The following CACHD1 variants were observed in gnomAD, a reference collection of about 807,000 sequenced individuals.
CACHD1 encodes the protein cache domain containing 1.
CACHD1 carries 71 observed loss-of-function variants against 138.7 expected under a neutral mutation model. That is an observed-to-expected ratio of 0.51 (90% CI 0.42 to 0.62). The LOEUF (loss-of-function observed/expected upper bound fraction) is 0.62, where lower values mean the gene tolerates loss of function less well. Ranked by LOEUF, CACHD1 falls within the 20% of genes least tolerant of loss-of-function variation. CACHD1 has a pLI of 0.00. For synonymous variants in CACHD1, 578 were observed against 591.5 expected (o/e 0.98, Z 0.33); for missense variants, 1,389 against 1,625.3 (o/e 0.85, Z 2.50).
At chr1:64,640,961 C>T (rs779550386) in intron 7 of CACHD1, among the ~76,000 whole-genome samples, 5 of 151,970 alleles carry the variant, frequency 3.3e-5, no homozygotes, top group Non-Finnish European at 5.9e-5. Context: ...TATTCTACCT[C>T]GCAGCCCTAT....
intron 22 of CACHD1, 116 bp from the exon 23 acceptor site, chr1:64,678,043 A>T: frequency 9.5e-7 from 1 of 1,057,860 alleles, no homozygotes. Context: ...AAAGCTCAAG[A>T]AATTCACAGC....
chr1:64,471,642 G>T (rs1374413076), intron 1 of CACHD1, among the ~76,000 whole-genome samples: 1 of 152,184 alleles, frequency 6.6e-6, no homozygotes, highest in Non-Finnish European at 1.5e-5. Context: ...GTTGCTTTCC[G>T]CATATCCTGC....
At chr1:64,664,275 C>T in intron 14 of CACHD1, 1 of 568,122 alleles carries the variant, frequency 1.8e-6, no homozygotes, top group Non-Finnish European at 3.1e-6. Context: ...ACTCAGAAAG[C>T]CTAGGTAGGG....
intron 1 of CACHD1, among the ~76,000 whole-genome samples, chr1:64,500,717 T>TAAAAAAAAAAAAAAAAAAA (rs72436564): frequency 3.5e-4 from 12 of 33,940 alleles, no homozygotes; most frequent in African/African-American, 6.3e-4. Flanking sequence ...CCTTGTCTCT[T>TAAAAAAAAAAAAAAAAAAA]AAAAAAAAAA....
intron 1 of CACHD1, among the ~76,000 whole-genome samples, chr1:64,520,615 T>A (rs1394654523): frequency 6.6e-6 from 1 of 152,268 alleles, no homozygotes; most frequent in African/African-American, 2.4e-5. Flanking sequence ...ACATTGCCTT[T>A]GGAACCCCAC....
intron 1 of CACHD1, among the ~76,000 whole-genome samples, chr1:64,493,310 A>G (rs1646288881): frequency 6.6e-6 from 1 of 152,222 alleles, no homozygotes; most frequent in African/African-American, 2.4e-5. Flanking sequence ...GGTGATCATG[A>G]AGAAATAATG....
At chr1:64,475,146 AAAC>A (rs1310808643) in intron 1 of CACHD1, among the ~76,000 whole-genome samples, 16 of 151,910 alleles carry the variant, frequency 1.1e-4, no homozygotes, top group African/African-American at 3.4e-4. Flanking sequence ...GTATGCAGTA[AAAC>A]AACAATGCAC....
chr1:64,640,298 A>G (rs1557533590), intron 7 of CACHD1, among the ~76,000 whole-genome samples: 1 of 152,236 alleles, frequency 6.6e-6, no homozygotes, highest in Admixed American at 6.5e-5. Flanking sequence ...CTAAAACACA[A>G]TAACAGAAAC....
chr1:64,678,249 A>G lies in CACHD1; in HGVS notation c.3183A>G (p.Lys1061=), dbSNP rs746920881. The G allele has an allele frequency of 5.4e-5, 87 of 1,611,036 alleles. 2 individuals carry two copies. The South Asian group carries it at 9.5e-4, about 18-fold the overall frequency. The change falls in exon 23 of 27, where the codon AAA becomes AAG. Residue 1061 remains lysine, a synonymous_variant. Transcript: ENST00000651257. The part of the protein sequence containing the change: ...HLDKPYCAPQ[K]ECFGGIVGAK... ...ACAAACCCTACTGTGCCCCCCAGAA[A>G]GAATGCTTCGGGGGGATTGTGGGAG...
chr1:64,527,485 G>A (rs1008946765), intron 1 of CACHD1, among the ~76,000 whole-genome samples: 4 of 152,184 alleles, frequency 2.6e-5, no homozygotes, highest in Non-Finnish European at 5.9e-5. Flanking sequence ...ACGCTCTCAC[G>A]CGGTCCTGTT....
intron 12 of CACHD1, among the ~76,000 whole-genome samples, chr1:64,657,521 A>G (rs1649305966): frequency 6.6e-6 from 1 of 152,220 alleles, no homozygotes; most frequent in African/African-American, 2.4e-5. Context: ...GAGAGAAAAT[A>G]GTAAATGCCA....
chr1:64,582,795 A>G (rs573008219), intron 3 of CACHD1, among the ~76,000 whole-genome samples: 2 of 152,256 alleles, frequency 1.3e-5, no homozygotes, highest in South Asian at 4.1e-4. Context: ...ATTTTTATTT[A>G]TTGGCCTAGT....
chr1:64,616,770 G>C (rs1006739972), intron 4 of CACHD1, among the ~76,000 whole-genome samples: 4 of 152,142 alleles, frequency 2.6e-5, no homozygotes, highest in African/African-American at 9.7e-5. Context: ...TAGCCTGGAA[G>C]AAGGAGTACC....
chr1:64,476,083 C>T (rs1177457796), intron 1 of CACHD1, among the ~76,000 whole-genome samples: 5 of 146,150 alleles, frequency 3.4e-5, no homozygotes, highest in Admixed American at 7.2e-5. Context: ...AATGTCCACA[C>T]ACACAGGCCA....
At chr1:64,564,140 A>G (rs549794597) in intron 2 of CACHD1, among the ~76,000 whole-genome samples, 1 of 152,202 alleles carries the variant, frequency 6.6e-6, no homozygotes, top group Non-Finnish European at 1.5e-5. Context: ...TTATCTGTCT[A>G]AAGACGGATC....
chr1:64,596,111 G>T (rs773540346), intron 3 of CACHD1, among the ~76,000 whole-genome samples: 31 of 152,128 alleles, frequency 2.0e-4, no homozygotes, highest in African/African-American at 7.5e-4. Flanking sequence ...CTCAGTCGAG[G>T]GGGGGGTTGA....
intron 2 of CACHD1, among the ~76,000 whole-genome samples, 153 bp from the exon 3 acceptor site, chr1:64,582,003 C>T (rs949193008): frequency 6.6e-6 from 1 of 152,172 alleles, no homozygotes; most frequent in Non-Finnish European, 1.5e-5. Context: ...TATCTCAACC[C>T]ACACAGGGGA....
chr1:64,660,687 C>T (rs1377331036), intron 13 of CACHD1, among the ~76,000 whole-genome samples: 2 of 151,994 alleles, frequency 1.3e-5, no homozygotes, highest in Non-Finnish European at 2.9e-5. Context: ...CGCACCACCA[C>T]GCCCGGCTAA....
At chr1:64,591,502 A>G (rs1647105958) in intron 3 of CACHD1, among the ~76,000 whole-genome samples, 6 of 152,258 alleles carry the variant, frequency 3.9e-5, no homozygotes, top group Admixed American at 3.9e-4. Flanking sequence ...TTTAGGCTCC[A>G]TAAGTGAAGT....
Sources: gnomAD v4.1 joint callset for allele counts (sites outside exome capture counted in the v4.1 genomes callset) on GRCh38, gnomAD v4.1.1 for gene constraint, MANE v1.5 for transcripts, NCBI Gene and HGNC (gene_info 2026-07-23, HGNC 2026-07-21) for gene names.